Variants in SLC25A29 observed in about 807,000 individuals in gnomAD.
SLC25A29 encodes the protein solute carrier family 25 member 29, also known as mitochondrial basic amino acids transporter.
In SLC25A29, 13 loss-of-function variants were observed where a neutral mutation model predicts 10.0. That is an observed-to-expected ratio of 1.30 (90% CI 0.85 to 2.07). SLC25A29 has a LOEUF of 2.07. SLC25A29 is among the 30% of genes most tolerant of loss of function. The pLI, the probability that SLC25A29 is intolerant of heterozygous loss-of-function variation, is 0.00. For missense variants in SLC25A29, 475 were observed against 447.6 expected (o/e 1.06, Z -0.55); for synonymous variants, 244 against 221.1 (o/e 1.10, Z -0.92).
chr14:100,293,708 CG>C (rs1328180210), intron 2 of SLC25A29: 4 of 264,336 alleles, frequency 1.5e-5, no homozygotes, highest in African/African-American at 2.2e-5. Context: ...GAGACTGGCC[CG>C]TTCTCCAGGT....
the SLC25A29 span, chr14:100,279,874 G>C: frequency 6.6e-6 from 1 of 152,392 alleles, no homozygotes; most frequent in South Asian, 2.1e-4. Context: ...AGCCCCGAGA[G>C]CCATGCCATG....
At chr14:100,289,764 C>T (rs1418419618), downstream of SLC25A29, among the ~76,000 whole-genome samples, 1 of 150,970 alleles carries the variant, frequency 6.6e-6, no homozygotes, top group Admixed American at 6.6e-5. Flanking sequence ...ATCACTTGAA[C>T]CCGGGAGGTA....
chr14:100,300,630 A>G (rs1892478637), intron 1 of SLC25A29, among the ~76,000 whole-genome samples: 1 of 152,166 alleles, frequency 6.6e-6, no homozygotes, highest in African/African-American at 2.4e-5. Context: ...AAAAAAGCCA[A>G]GCCTCCCAAA....
the SLC25A29 span, chr14:100,279,919 C>T: frequency 1.3e-5 from 2 of 152,344 alleles, no homozygotes; most frequent in Non-Finnish European, 2.9e-5. Flanking sequence ...TGGATGAAGT[C>T]CCTCTTCCTC....
At position 100,292,439 on chromosome 14, in the gene SLC25A29, C is replaced by G. The variant is rs1891780317; in HGVS notation, c.756G>C (p.Ala252=). 6.3e-7 allele frequency: 1 copy of G among 1,577,988 alleles called. No individual in the cohort carries two copies. Among genetic ancestry groups the G allele is most frequent in the Admixed American group, 1.8e-5 (1 of 54,896 alleles). Residue 252 remains alanine, a synonymous_variant, in exon 4 of 4, where the codon GCG becomes GCC. Transcript: ENST00000359232. ...CGGGGAAGGCGCGCAGCAGCGTGGA[C>G]GCCAGCCCCCGTGTGAAGACGCGCC... The part of the protein sequence containing the change: ...EGWRVFTRGL[A]STLLRAFPVN...
chr14:100,299,700 C>T (rs1892413682), intron 1 of SLC25A29: 1 of 985,016 alleles, frequency 1.0e-6, no homozygotes. Context: ...AGTAAGCAGC[C>T]TCATTACCCA....
Position 100,298,874 on chromosome 14 carries a change from C to G in SLC25A29, c.46G>C (p.Val16Leu), listed in dbSNP as rs368937382. 6.2e-7 allele frequency: 1 copy of G among 1,614,078 alleles called. No individual in the cohort carries two copies. Among genetic ancestry groups the G allele is most frequent in the African/African-American group, 1.3e-5 (1 of 74,930 alleles). ...GTGTCAAACGGGTGTCCCACAAGCA[C>G]GCCTGCCACACCTGGAGGAGGAGAG... ...LAGCAGGVAG[V>L]LVGHPFDTVK... Residue 16 changes from valine to leucine, a missense_variant, in exon 2 of 4, where the codon GTG becomes CTG. Val to Leu is a conservative substitution (Grantham distance 32, BLOSUM62 1). Coordinates refer to ENST00000359232, the MANE Select transcript of SLC25A29 (RefSeq NM_001039355.3).
intron 1 of SLC25A29, chr14:100,299,775 T>C (rs1892418782): frequency 1.0e-6 from 1 of 985,332 alleles, no homozygotes; most frequent in Admixed American, 6.1e-5. Context: ...CTCCTCTCCC[T>C]GGAGTTTCAC....
intron 1 of SLC25A29, 34 bp from the exon 2 acceptor site, chr14:100,298,919 A>T: frequency 6.2e-7 from 1 of 1,613,684 alleles, no homozygotes. Context: ...TGACCCACAT[A>T]CCTCAGAAAC....
chr14:100,306,151 C>T, intron 1 of SLC25A29, 48 bp downstream of exon 1: 4 of 1,375,484 alleles, frequency 2.9e-6, no homozygotes, highest in Non-Finnish European at 3.8e-6. Context: ...GCCGACCTCC[C>T]TCCCCGGACG....
rs1172790743 is a variant in SLC25A29 at position 100,298,883 on chromosome 14, C to G, written c.37G>C (p.Val13Leu). The change falls in exon 2 of 4, where the codon GTG (valine) becomes CTG (leucine). Residue 13 changes from valine to leucine, a missense_variant and splice_region_variant. Transcript: ENST00000359232. ...GGGTGTCCCACAAGCACGCCTGCCA[C>G]ACCTGGAGGAGGAGAGGGGGACTTG... ...LDFLAGCAGGVAGVLVGHPFD... is the reference protein window; with the variant it reads ...LDFLAGCAGGLAGVLVGHPFD... 6.2e-7 allele frequency: 1 copy of G among 1,614,118 alleles called. No individual in the cohort carries two copies. Among genetic ancestry groups the G allele is most frequent in the African/African-American group, 1.3e-5 (1 of 74,936 alleles).
chr14:100,300,888 T>A (rs747611037), intron 1 of SLC25A29, among the ~76,000 whole-genome samples: 1 of 151,606 alleles, frequency 6.6e-6, no homozygotes, highest in Non-Finnish European at 1.5e-5. Flanking sequence ...TACTATTTAT[T>A]CCCTTTCTTT....
chr14:100,306,172 G>T, intron 1 of SLC25A29, 27 bp downstream of exon 1: 1 of 1,435,010 alleles, frequency 7.0e-7, no homozygotes. Context: ...CCTCGCCCCG[G>T]CCCGGCCCGG....
intron 1 of SLC25A29, among the ~76,000 whole-genome samples, chr14:100,303,898 G>C (rs919587059): frequency 6.6e-6 from 1 of 152,104 alleles, no homozygotes; most frequent in African/African-American, 2.4e-5. Context: ...CCCACCCCTA[G>C]CTGAGCTTTT....
chr14:100,289,835 CAAAAAAAAA>C (rs56694140), downstream of SLC25A29, among the ~76,000 whole-genome samples: 1 of 96,566 alleles, frequency 1.0e-5, no homozygotes, highest in Non-Finnish European at 1.9e-5. Flanking sequence ...GAGCAAGACT[CAAAAAAAAA>C]AAAAAAAAAA....
chr14:100,299,672 A>T lies in SLC25A29; in HGVS notation c.35-787T>A. 5.1e-6 allele frequency: 5 copies of T among 985,126 alleles called. No individual in the cohort carries two copies. The South Asian group carries it at 1.9e-4, about 37-fold the overall frequency. The allele number at this position is 985,126 out of a possible 1,614,324, so 61.0% of individuals were successfully genotyped here. On this transcript the variant is annotated intron_variant, in intron 1 of 3. Coordinates refer to ENST00000359232, the MANE Select transcript of SLC25A29 (RefSeq NM_001039355.3). ...GCTGTGCAGGTGGTAACCATCTCTG[A>T]GTCTTGCCACCACTGTGAGTAAGCA... is the stretch of plus-strand genomic sequence containing the variant.
In SLC25A29 at chr14:100,292,522, C is replaced by A. The variant is rs1462660253; in HGVS notation, c.673G>T (p.Ala225Ser). Residue 225 changes from alanine (A) to serine (S), a missense_variant, in exon 4 of 4, where the codon GCC becomes TCC. Physicochemically the swap from Ala to Ser is moderately conservative, Grantham distance 99. Coordinates refer to ENST00000359232, the MANE Select transcript of SLC25A29 (RefSeq NM_001039355.3). ...TCCAGGATGCCGCGGTAGCGCGGGG[C>A]GCCCCGCAGTCCGTCCGCCTGCAGC... is the stretch of plus-strand genomic sequence containing the variant. ...SRLQADGLRGAPRYRGILDCV... is the reference protein window; with the variant it reads ...SRLQADGLRGSPRYRGILDCV... 2.5e-6 allele frequency: 4 copies of A among 1,590,934 alleles called. No homozygotes were observed. Among genetic ancestry groups the A allele is most frequent in the Non-Finnish European group, 3.4e-6 (4 of 1,170,426 alleles).
chr14:100,289,649 C>T (rs1891617084), downstream of SLC25A29, among the ~76,000 whole-genome samples: 1 of 151,938 alleles, frequency 6.6e-6, no homozygotes, highest in Non-Finnish European at 1.5e-5. Context: ...TTGAGACCAG[C>T]CTGGTCAAGA....
intron 1 of SLC25A29, among the ~76,000 whole-genome samples, chr14:100,302,774 T>A (rs1892650108): frequency 7.4e-6 from 1 of 135,118 alleles, no homozygotes; most frequent in South Asian, 2.3e-4. Context: ...CTGCTGCCAA[T>A]GTTTTTTTTT....
Sources: gnomAD v4.1 joint callset for allele counts (sites outside exome capture counted in the v4.1 genomes callset) on GRCh38, gnomAD v4.1.1 for gene constraint, MANE v1.5 for transcripts, NCBI Gene and HGNC (gene_info 2026-07-23, HGNC 2026-07-21) for gene names.